EEFSEC: variants seen among roughly 807,000 people sequenced by gnomAD.
EEFSEC encodes the protein eukaryotic elongation factor, selenocysteine-tRNA specific, also known as selenocysteine-specific elongation factor.
Under a neutral mutation model 42.1 loss-of-function variants are expected in EEFSEC, and 43 were observed. The observed-to-expected ratio is 1.02, with a 90% confidence interval of 0.80 to 1.32. EEFSEC has a LOEUF of 1.32. Among genes scored for constraint, EEFSEC ranks in the 40% most tolerant of loss-of-function variants. EEFSEC has a pLI of 0.00. For missense variants in EEFSEC, 745 were observed against 803.6 expected (o/e 0.93, Z 0.88); for synonymous variants, 354 against 339.1 (o/e 1.04, Z -0.48).
chr3:128,221,909 AGTATTAAAAAT>A (rs1166628845), intron 1 of EEFSEC, among the ~76,000 whole-genome samples: 5 of 152,214 alleles, frequency 3.3e-5, no homozygotes, highest in Non-Finnish European at 7.3e-5. Flanking sequence ...AGAAATTCTA[AGTATTAAAAAT>A]GTATTAAAAA....
chr3:128,179,850 G>A (rs910234839), intron 1 of EEFSEC, among the ~76,000 whole-genome samples: 2 of 152,088 alleles, frequency 1.3e-5, no homozygotes, highest in African/African-American at 4.8e-5. Flanking sequence ...AAGTACATTT[G>A]AGTCAGCAAG....
chr3:128,320,602 T>C (rs528804908), intron 4 of EEFSEC, among the ~76,000 whole-genome samples: 2 of 152,318 alleles, frequency 1.3e-5, no homozygotes, highest in Non-Finnish European at 2.9e-5. Context: ...CACTGTGTTA[T>C]GAGGAGAAAA....
intron 6 of EEFSEC, among the ~76,000 whole-genome samples, chr3:128,388,535 G>A (rs1261996982): frequency 6.6e-6 from 1 of 152,240 alleles, no homozygotes; most frequent in Non-Finnish European, 1.5e-5. Context: ...CTGCCCAGGT[G>A]GGCTGTGTCT....
chr3:128,262,215 G>T lies in EEFSEC; in HGVS notation c.612G>T (p.Glu204Asp). 6.2e-7 allele frequency: 1 copy of T among 1,614,114 alleles called. No homozygotes were observed. The highest frequency in any genetic ancestry group is 1.7e-5 in the Admixed American group (1 of 60,008). ...CTGAAGCTCCACAGGGCATTCCAGA[G>T]CTCATTGAGGTACTGTCATCTTGAA... ...PETEAPQGIP[E>D]LIELLTSQIS... Residue 204 changes from glutamate (E) to aspartate (D), a missense_variant, in exon 3 of 7, where the codon GAG becomes GAT. Glu to Asp is a conservative substitution (Grantham distance 45). Transcript: ENST00000254730.
chr3:128,254,634 T>G (rs931876114), intron 2 of EEFSEC, among the ~76,000 whole-genome samples: 2 of 151,958 alleles, frequency 1.3e-5, no homozygotes, highest in Non-Finnish European at 2.9e-5. Flanking sequence ...AGGGCAACAG[T>G]GTGAGCTTGG....
the EEFSEC span, among the ~76,000 whole-genome samples, chr3:128,421,516 C>T: frequency 2.0e-5 from 3 of 152,346 alleles, no homozygotes; most frequent in South Asian, 6.2e-4. Flanking sequence ...TCCCTGCACC[C>T]CTGCACCTGT....
chr3:128,366,594 G>A (rs1213211821), intron 6 of EEFSEC, among the ~76,000 whole-genome samples: 2 of 152,216 alleles, frequency 1.3e-5, no homozygotes, highest in East Asian at 3.8e-4. Flanking sequence ...GGAGGGCTCT[G>A]GCCTCACACA....
At chr3:128,240,270 T>G (rs2107885508) in intron 1 of EEFSEC, among the ~76,000 whole-genome samples, 1 of 152,312 alleles carries the variant, frequency 6.6e-6, no homozygotes, top group East Asian at 1.9e-4. Flanking sequence ...GGTTCAGTGC[T>G]CACAGCTGTT....
At chr3:128,270,620 AC>A (rs1320223010) in intron 4 of EEFSEC, among the ~76,000 whole-genome samples, 5 of 152,350 alleles carry the variant, frequency 3.3e-5, no homozygotes, top group Admixed American at 3.3e-4. Flanking sequence ...GAAGCTAATC[AC>A]AAGGGTGAGA....
chr3:128,419,272 T>C, the EEFSEC span, among the ~76,000 whole-genome samples: 11 of 152,140 alleles, frequency 7.2e-5, no homozygotes, highest in African/African-American at 2.7e-4. Context: ...AAAATGGCAA[T>C]GTTCATCAGT....
intron 4 of EEFSEC, among the ~76,000 whole-genome samples, chr3:128,316,755 G>A (rs1007363921): frequency 9.2e-5 from 14 of 152,168 alleles, no homozygotes; most frequent in African/African-American, 2.4e-4. Flanking sequence ...CGCCAGCACC[G>A]TGAACCGGGG....
chr3:128,411,789 G>A (rs1005590447), downstream of EEFSEC, among the ~76,000 whole-genome samples: 14 of 152,224 alleles, frequency 9.2e-5, no homozygotes, highest in Non-Finnish European at 1.5e-4. Flanking sequence ...ATAACGTCTC[G>A]TAAACGGGAA....
At chr3:128,387,086 G>A (rs909695048) in intron 6 of EEFSEC, among the ~76,000 whole-genome samples, 1 of 152,214 alleles carries the variant, frequency 6.6e-6, no homozygotes, top group Admixed American at 6.5e-5. Context: ...CTGGTGGCGC[G>A]TGGGCAGCTC....
chr3:128,320,712 T>C (rs139682259), intron 4 of EEFSEC, among the ~76,000 whole-genome samples: 27 of 152,302 alleles, frequency 1.8e-4, no homozygotes, highest in Non-Finnish European at 2.9e-4. Flanking sequence ...TGAATTAGAG[T>C]GACCATTCTC....
intron 1 of EEFSEC, among the ~76,000 whole-genome samples, chr3:128,237,641 T>G (rs2066026815): frequency 6.6e-6 from 1 of 152,254 alleles, no homozygotes; most frequent in South Asian, 2.1e-4. Context: ...GCCATGAGTC[T>G]CTAGCATTTC....
chr3:128,197,129 A>G (rs982398409), intron 1 of EEFSEC, among the ~76,000 whole-genome samples: 2 of 152,220 alleles, frequency 1.3e-5, no homozygotes, highest in Non-Finnish European at 1.5e-5. Context: ...AACACTGACT[A>G]TTCCCTCTAG....
intron 4 of EEFSEC, among the ~76,000 whole-genome samples, chr3:128,334,012 G>T (rs757778307): frequency 6.6e-6 from 1 of 152,214 alleles, no homozygotes; most frequent in African/African-American, 2.4e-5. Context: ...ATGGGAGGTT[G>T]GGAGGGAGGG....
At chr3:128,340,658 A>T (rs1335903702) in intron 4 of EEFSEC, among the ~76,000 whole-genome samples, 1 of 152,230 alleles carries the variant, frequency 6.6e-6, no homozygotes, top group Non-Finnish European at 1.5e-5. Context: ...GACAGTGACC[A>T]TGCAGCAGGC....
intron 1 of EEFSEC, among the ~76,000 whole-genome samples, chr3:128,200,454 A>G (rs2065632559): frequency 6.6e-6 from 1 of 151,966 alleles, no homozygotes; most frequent in African/African-American, 2.4e-5. Flanking sequence ...ATGCCCGGCT[A>G]ATTTCGTATT....
Sources: gnomAD v4.1 joint callset for allele counts (sites outside exome capture counted in the v4.1 genomes callset) on GRCh38, gnomAD v4.1.1 for gene constraint, MANE v1.5 for transcripts, NCBI Gene and HGNC (gene_info 2026-07-23, HGNC 2026-07-21) for gene names.